NACC2: variants seen among roughly 807,000 people sequenced by gnomAD.
NACC2 encodes NACC family member 2.
NACC2 carries 8 observed loss-of-function variants against 25.1 expected under a neutral mutation model. The observed-to-expected ratio is 0.32, with a 90% CI of 0.19 to 0.57. NACC2 has a LOEUF of 0.57. Ranked by LOEUF, NACC2 falls within the 20% of genes least tolerant of loss-of-function variation. The probability of loss-of-function intolerance (pLI) is 0.89; values close to 1 mark genes in which losing one functional copy is unlikely to be tolerated. For missense variants in NACC2, 644 were observed against 650.2 expected (o/e 0.99, Z 0.10); for synonymous variants, 435 against 294.7 (o/e 1.48, Z -4.88).
At position 136,013,113 on chromosome 9, in the gene NACC2, A is replaced by C; in HGVS notation, c.1255+86T>G. 1 of 1,161,980 alleles carries C rather than the reference A, an allele frequency of 8.6e-7. No homozygotes were observed. The highest frequency in any genetic ancestry group is 1.2e-6 in the Non-Finnish European group (1 of 808,960). The allele number at this position is 1,161,980 out of a possible 1,614,324, so 72.0% of individuals were successfully genotyped here. On this transcript the variant is annotated intron_variant, in intron 5 of 5. Coordinates refer to ENST00000277554, the MANE Select transcript of NACC2 (RefSeq NM_144653.5). This position sits in a 1 kb window ranked among gnomAD's most constrained non-coding sequence, Gnocchi z 6.6. ...ACGGAAGCTGCAGGTGGCCGGGAGC[A>C]CCCCCGCGGCCCACCCAGTCCTCCT...
intron 1 of NACC2, among the ~76,000 whole-genome samples, chr9:136,061,296 T>C (rs1030206336): frequency 6.6e-6 from 1 of 151,852 alleles, no homozygotes; most frequent in Non-Finnish European, 1.5e-5. Flanking sequence ...CTCCAGCCAC[T>C]GGGACCCACA....
chr9:136,031,766 T>C (rs189910015), intron 2 of NACC2, among the ~76,000 whole-genome samples: 35 of 152,342 alleles, frequency 2.3e-4, no homozygotes, highest in African/African-American at 6.7e-4. Context: ...AAAGAAAATA[T>C]TAGCAAATAA....
At chr9:136,050,830 G>T (rs1029716622) in intron 1 of NACC2, among the ~76,000 whole-genome samples, 5 of 152,138 alleles carry the variant, frequency 3.3e-5, no homozygotes, top group African/African-American at 4.8e-5. Context: ...CGGCAGGAGT[G>T]CGCCCACGCC....
At position 136,012,652 on chromosome 9, in the gene NACC2, G is replaced by GT. The variant is rs540279008; in HGVS notation, c.1255+546dup. Among the ~76,000 whole-genome samples the GT allele has an allele frequency of 7.6e-3, 1,012 of 133,102 alleles. 12 individuals are homozygous for GT. Among genetic ancestry groups the GT allele is most frequent in the Non-Finnish European group, 0.01 (628 of 62,604 alleles). The allele number at this position is 133,102 out of a possible 152,430, so 87.3% of individuals were successfully genotyped here. On this transcript the variant is annotated intron_variant, in intron 5 of 5. Coordinates refer to ENST00000277554, the MANE Select transcript of NACC2 (RefSeq NM_144653.5). Reference sequence around the variant, plus strand: ...TCTAAAACAGAATTTGCCTCACAAGGTTTTTTTTTTTTTTTTTTTTTCTTT... The same window carrying GT: ...TCTAAAACAGAATTTGCCTCACAAGGTTTTTTTTTTTTTTTTTTTTTTCTTT...
At chr9:136,045,147 C>T (rs988399311) in intron 2 of NACC2, among the ~76,000 whole-genome samples, 27 of 152,316 alleles carry the variant, frequency 1.8e-4, no homozygotes, top group South Asian at 1.4e-3. Flanking sequence ...GAGTTCAGAC[C>T]GCCCCATGGA....
At position 136,006,690 on chromosome 9, in the gene NACC2, T is replaced by C. The variant is rs890242922; in HGVS notation, c.*4826A>G. The C allele has an allele frequency of 1.8e-4, 28 of 152,258 alleles. No individual in the cohort carries two copies. Among genetic ancestry groups the C allele is most frequent in the African/African-American group, 6.3e-4 (26 of 41,458 alleles). The allele number at this position is 152,258 out of a possible 1,614,324, so 9.4% of individuals were successfully genotyped here. On this transcript the variant is annotated 3_prime_UTR_variant, in exon 6 of 6. Coordinates refer to ENST00000277554, the MANE Select transcript of NACC2 (RefSeq NM_144653.5). ...CTCGGTTTCCCTGTTCGCTTTTGAA[T>C]GTTTCAGTTTTAGTTATTGATACAA...
chr9:136,077,622 G>A (rs1830276592), intron 1 of NACC2, among the ~76,000 whole-genome samples: 1 of 151,712 alleles, frequency 6.6e-6, no homozygotes, highest in African/African-American at 2.4e-5. Flanking sequence ...AGGGGCAAGA[G>A]CCCAGAACAG....
intron 2 of NACC2, among the ~76,000 whole-genome samples, chr9:136,027,560 AAAG>A (rs1443159716): frequency 6.6e-6 from 1 of 152,232 alleles, no homozygotes; most frequent in Non-Finnish European, 1.5e-5. Flanking sequence ...TCATAACAAA[AAAG>A]ATGACCAGAA....
At position 136,013,173 on chromosome 9, in the gene NACC2, C is replaced by CCCCCCCCCA; in HGVS notation, c.1255+25_1255+26insTGGGGGGGG. On this transcript the variant is annotated intron_variant, in intron 5 of 5. Coordinates refer to ENST00000277554, the MANE Select transcript of NACC2 (RefSeq NM_144653.5). The surrounding 1 kb of genome is among the most constrained non-coding windows in gnomAD (Gnocchi z 6.6). The stretch of plus-strand genomic sequence containing the variant: ...ATCTGAACCCAGCCCCGGCCCCACC[C>CCCCCCCCCA]ACCCGAGAGACCCCCAGGCTCTTAC... 1 of 1,281,020 alleles carries CCCCCCCCCA rather than the reference C, an allele frequency of 7.8e-7. No individual in the cohort carries two copies. Among genetic ancestry groups the CCCCCCCCCA allele is most frequent in the Non-Finnish European group, 1.1e-6 (1 of 883,266 alleles). 79.4% of individuals were successfully genotyped at this position (1,281,020 alleles called of 1,614,324 possible). A position where few individuals can be genotyped will look rare whatever the true frequency, so the allele number is the denominator to read the frequency against.
intron 1 of NACC2, among the ~76,000 whole-genome samples, chr9:136,094,170 C>G (rs979819778): frequency 2.2e-4 from 34 of 152,250 alleles, no homozygotes; most frequent in Non-Finnish European, 2.8e-4. Context: ...GAACACAGCT[C>G]AGGGCACCCA....
At chr9:136,085,521 T>A (rs2131189056) in intron 1 of NACC2, among the ~76,000 whole-genome samples, 1 of 151,904 alleles carries the variant, frequency 6.6e-6, no homozygotes, top group East Asian at 1.9e-4. Flanking sequence ...AAAAAGTTTT[T>A]AATTAAATTT....
chr9:136,023,414 CTCAACAG>C (rs1241535555), intron 2 of NACC2, among the ~76,000 whole-genome samples: 1 of 152,122 alleles, frequency 6.6e-6, no homozygotes, highest in African/African-American at 2.4e-5. Flanking sequence ...TCTCGACCAG[CTCAACAG>C]TCCCATCAAA....
chr9:136,075,620 C>T (rs1042450515), intron 1 of NACC2, among the ~76,000 whole-genome samples: 9 of 152,218 alleles, frequency 5.9e-5, no homozygotes, highest in African/African-American at 1.4e-4. Context: ...GCAGGTCCTG[C>T]GGGAGCAGAG....
chr9:136,044,322 C>A (rs1203393315), intron 2 of NACC2, among the ~76,000 whole-genome samples: 1 of 152,164 alleles, frequency 6.6e-6, no homozygotes. Flanking sequence ...TCGAGGCCAC[C>A]TGGACAATAT....
intron 1 of NACC2, among the ~76,000 whole-genome samples, chr9:136,051,766 G>C (rs1382041158): frequency 6.6e-6 from 1 of 152,166 alleles, no homozygotes; most frequent in Non-Finnish European, 1.5e-5. Context: ...GGCACTGCCC[G>C]CTCCGCCTGG....
intron 1 of NACC2, among the ~76,000 whole-genome samples, chr9:136,090,345 C>A (rs1830422333): frequency 6.6e-6 from 1 of 152,198 alleles, no homozygotes; most frequent in South Asian, 2.1e-4. Flanking sequence ...AAGACCGCCG[C>A]AGAAGAACCA....
chr9:136,092,220 C>A (rs1368793148), intron 1 of NACC2, among the ~76,000 whole-genome samples: 2 of 152,180 alleles, frequency 1.3e-5, no homozygotes, highest in African/African-American at 2.4e-5. Context: ...GAACGAAATG[C>A]TGGGGAGAGG....
intron 1 of NACC2, among the ~76,000 whole-genome samples, chr9:136,073,076 C>G (rs1313847013): frequency 6.6e-6 from 1 of 152,060 alleles, no homozygotes; most frequent in East Asian, 1.9e-4. Context: ...AAGACACAGG[C>G]TGGTAGAAAA....
At chr9:136,036,813 CAGA>C (rs1840561485) in intron 2 of NACC2, among the ~76,000 whole-genome samples, 1 of 152,094 alleles carries the variant, frequency 6.6e-6, no homozygotes, top group Non-Finnish European at 1.5e-5. Flanking sequence ...GGGTAAGGGG[CAGA>C]AGAATATTTG....
Sources: allele counts gnomAD v4.1 joint callset (sites outside exome capture counted in the v4.1 genomes callset), GRCh38; gene constraint gnomAD v4.1.1; non-coding constraint Gnocchi (gnomAD v3.1); transcripts MANE v1.5; gene names NCBI Gene and HGNC (gene_info 2026-07-23, HGNC 2026-07-21).